The following GPR176 variants were observed in gnomAD, a reference collection of about 807,000 sequenced individuals.
GPR176 encodes the protein G protein-coupled receptor 176.
In GPR176, 26 loss-of-function variants were observed where a neutral mutation model predicts 35.4. That is an observed-to-expected ratio of 0.74 (90% CI 0.54 to 1.02). The LOEUF is 1.02. GPR176 is among the 50% of genes least tolerant of loss of function. The pLI, the probability that GPR176 is intolerant of heterozygous loss-of-function variation, is 0.00. For synonymous variants in GPR176, 278 were observed against 271.3 expected, an observed-to-expected ratio of 1.02 and a Z score of -0.24; for missense variants, 597 against 665.3, an observed-to-expected ratio of 0.90 and a Z score of 1.13.
At chr15:39,870,114 C>T (rs2031987618) in intron 1 of GPR176, among the ~76,000 whole-genome samples, 1 of 152,148 alleles carries the variant, frequency 6.6e-6, no homozygotes, top group South Asian at 2.1e-4. Flanking sequence ...CTCATGATCC[C>T]TTCCTCGTGT....
At chr15:39,835,518 C>G (rs2140779958) in intron 1 of GPR176, among the ~76,000 whole-genome samples, 1 of 151,944 alleles carries the variant, frequency 6.6e-6, no homozygotes, top group Admixed American at 6.6e-5. Context: ...GAGCTCTGCC[C>G]CAAAAAATTC....
chr15:39,914,078 C>T (rs1482107894), intron 1 of GPR176, among the ~76,000 whole-genome samples: 3 of 151,976 alleles, frequency 2.0e-5, no homozygotes, highest in African/African-American at 7.2e-5. Flanking sequence ...CAAAAAACAC[C>T]ACTGAGTTGT....
intron 1 of GPR176, among the ~76,000 whole-genome samples, chr15:39,863,603 A>T (rs920065810): frequency 6.6e-6 from 1 of 152,216 alleles, no homozygotes; most frequent in Non-Finnish European, 1.5e-5. Flanking sequence ...CAGTCTTTAT[A>T]AAGTCTATAG....
intron 1 of GPR176, among the ~76,000 whole-genome samples, chr15:39,832,012 AC>A (rs1901116689): frequency 2.0e-5 from 3 of 151,818 alleles, no homozygotes; most frequent in Non-Finnish European, 4.4e-5. Context: ...ACACACACAC[AC>A]ACACACACAC....
At chr15:39,835,030 A>T (rs1000686358) in intron 1 of GPR176, among the ~76,000 whole-genome samples, 28 of 151,246 alleles carry the variant, frequency 1.9e-4, no homozygotes, top group Non-Finnish European at 1.5e-5. Context: ...CTTTTTTTTT[A>T]TTTTGAGACA....
chr15:39,856,455 G>A (rs555923337), intron 1 of GPR176, among the ~76,000 whole-genome samples: 2 of 152,312 alleles, frequency 1.3e-5, no homozygotes, highest in South Asian at 4.1e-4. Flanking sequence ...TTGGGCTGGT[G>A]GTCTGGCTCA....
intron 1 of GPR176, among the ~76,000 whole-genome samples, chr15:39,885,403 AC>A (rs903232155): frequency 1.8e-4 from 27 of 152,340 alleles, no homozygotes; most frequent in African/African-American, 6.5e-4. Flanking sequence ...CAAAATAAAA[AC>A]AAATCCATCC....
At chr15:39,854,767 TGGC>T (rs1250039181) in intron 1 of GPR176, among the ~76,000 whole-genome samples, 1 of 152,120 alleles carries the variant, frequency 6.6e-6, no homozygotes, top group Non-Finnish European at 1.5e-5. Context: ...CCAGGCACAG[TGGC>T]TCATACCTGT....
At chr15:39,886,831 A>G (rs566737361) in intron 1 of GPR176, among the ~76,000 whole-genome samples, 97 of 152,302 alleles carry the variant, frequency 6.4e-4, no homozygotes, top group African/African-American at 2.3e-3. Flanking sequence ...GATCCTTAAG[A>G]GGGGGCTTTG....
At chr15:39,814,879 C>A (rs575968766) in intron 1 of GPR176, 3 of 152,154 alleles carry the variant, frequency 2.0e-5, no homozygotes, top group Non-Finnish European at 4.4e-5. Context: ...AGACTCAATA[C>A]CCAGCTCTGT....
intron 1 of GPR176, among the ~76,000 whole-genome samples, chr15:39,812,834 C>T (rs1029541067): frequency 5.3e-5 from 8 of 151,938 alleles, no homozygotes; most frequent in South Asian, 2.1e-4. Flanking sequence ...CTCCGCTCCC[C>T]GCAGGCTCAA....
intron 1 of GPR176, among the ~76,000 whole-genome samples, chr15:39,811,654 C>T (rs987848429): frequency 6.6e-6 from 1 of 152,080 alleles, no homozygotes; most frequent in Non-Finnish European, 1.5e-5. Flanking sequence ...TGGTGGCTCA[C>T]ACCTGTAATC....
At chr15:39,887,522 A>C (rs1397554825) in intron 1 of GPR176, among the ~76,000 whole-genome samples, 1 of 152,060 alleles carries the variant, frequency 6.6e-6, no homozygotes, top group Non-Finnish European at 1.5e-5. Flanking sequence ...CAGGTGAAAA[A>C]CAGCAAAGGC....
At chr15:39,803,556 C>T (rs1899017672) in intron 2 of GPR176, among the ~76,000 whole-genome samples, 1 of 152,126 alleles carries the variant, frequency 6.6e-6, no homozygotes, top group African/African-American at 2.4e-5. Context: ...GGTTGGATTA[C>T]AGACGTGAGC....
intron 1 of GPR176, among the ~76,000 whole-genome samples, chr15:39,865,389 G>A (rs1422030670): frequency 6.6e-6 from 1 of 152,124 alleles, no homozygotes; most frequent in Non-Finnish European, 1.5e-5. Context: ...ATGAAATCAT[G>A]TCTTCTTCAG....
intron 1 of GPR176, among the ~76,000 whole-genome samples, chr15:39,878,096 CTGTGTGTGTGTGTG>C (rs58251937): frequency 3.1e-5 from 4 of 129,932 alleles, no homozygotes; most frequent in East Asian, 2.3e-4. Flanking sequence ...CCATAGTTAC[CTGTGTGTGTGTGTG>C]TGTGTGTGTG....
chr15:39,807,112 AGTGAGGACTG>A lies in GPR176; in HGVS notation c.309_318del (p.Ser104ValfsTer24). 1 of 1,579,242 alleles carries A rather than the reference AGTGAGGACTG, an allele frequency of 6.3e-7. No individual in the cohort carries two copies. The highest frequency in any genetic ancestry group is 8.6e-7 in the Non-Finnish European group (1 of 1,162,848). On this transcript the variant is annotated frameshift_variant, in exon 2 of 3. Transcript: ENST00000561100. LOFTEE classifies it high-confidence loss of function. ...AGCATGGTGTAGATCCACCAGCAAC[AGTGAGGACTG>A]GTGCTGAGGATGATGTCGAAGGGCA...
At chr15:39,847,673 G>T (rs1337944291) in intron 1 of GPR176, among the ~76,000 whole-genome samples, 1 of 140,752 alleles carries the variant, frequency 7.1e-6, no homozygotes, top group Non-Finnish European at 1.5e-5. Flanking sequence ...AACCTGGGAT[G>T]TGGAGGTTGC....
chr15:39,843,161 G>A (rs1277900030), intron 1 of GPR176, among the ~76,000 whole-genome samples: 1 of 152,156 alleles, frequency 6.6e-6, no homozygotes, highest in East Asian at 1.9e-4. Context: ...GGTTGAAGCA[G>A]AAGAGGAAAT....
Sources: gnomAD v4.1 joint callset for allele counts (sites outside exome capture counted in the v4.1 genomes callset) on GRCh38, gnomAD v4.1.1 for gene constraint, MANE v1.5 for transcripts, NCBI Gene and HGNC (gene_info 2026-07-23, HGNC 2026-07-21) for gene names.